The following SEMA6D variants were observed in gnomAD, a reference collection of about 807,000 sequenced individuals.
SEMA6D encodes semaphorin-6D.
In SEMA6D, 35 loss-of-function variants were observed where a neutral mutation model predicts 106.6. That is an observed-to-expected ratio of 0.33 (90% CI 0.25 to 0.44). SEMA6D has a LOEUF of 0.44. Among genes scored for constraint, SEMA6D ranks in the 20% least tolerant of loss-of-function variants. The pLI is 1.00. For missense variants in SEMA6D, 1,185 were observed against 1,345.9 expected, an observed-to-expected ratio of 0.88 and a Z score of 1.87; for synonymous variants, 499 against 487.7, an observed-to-expected ratio of 1.02 and a Z score of -0.31.
chr15:47,199,963 CAG>C (rs1303332464), intron 1 of SEMA6D, among the ~76,000 whole-genome samples: 1 of 152,084 alleles, frequency 6.6e-6, no homozygotes, highest in Non-Finnish European at 1.5e-5. Flanking sequence ...TTTAAAAAAA[CAG>C]AATCTTTGAG....
intron 3 of SEMA6D, among the ~76,000 whole-genome samples, chr15:47,491,196 T>C (rs1288963241): frequency 6.6e-6 from 1 of 152,234 alleles, no homozygotes; most frequent in Admixed American, 6.5e-5. Flanking sequence ...TTTCTAATTT[T>C]CCTGCTCTTT....
At chr15:47,245,898 G>C (rs576916829) in intron 1 of SEMA6D, among the ~76,000 whole-genome samples, 2 of 152,156 alleles carry the variant, frequency 1.3e-5, no homozygotes, top group African/African-American at 4.8e-5. Context: ...TGAGTGGAGA[G>C]GATAAGGACA....
intron 3 of SEMA6D, among the ~76,000 whole-genome samples, chr15:47,578,247 T>C (rs532462702): frequency 6.3e-4 from 96 of 152,328 alleles, no homozygotes; most frequent in Non-Finnish European, 1.1e-3. Context: ...ATGAGACTTA[T>C]TGAATGAGTG....
At chr15:47,741,555 A>G (rs537716470) in intron 1 of SEMA6D, among the ~76,000 whole-genome samples, 2 of 152,284 alleles carry the variant, frequency 1.3e-5, no homozygotes, top group South Asian at 4.1e-4. Flanking sequence ...CGTCTCTACT[A>G]AAAATACAAA....
At chr15:47,369,416 A>C (rs2039186348) in intron 1 of SEMA6D, among the ~76,000 whole-genome samples, 1 of 152,210 alleles carries the variant, frequency 6.6e-6, no homozygotes, top group Non-Finnish European at 1.5e-5. Context: ...AAATCTTAGA[A>C]AATTGTCGTC....
At chr15:47,485,633 CT>C (rs1387636585) in intron 3 of SEMA6D, among the ~76,000 whole-genome samples, 1 of 152,150 alleles carries the variant, frequency 6.6e-6, no homozygotes, top group Non-Finnish European at 1.5e-5. Context: ...AGCTTGACCA[CT>C]GTCCAGAACT....
chr15:47,583,196 C>T (rs536851641), intron 3 of SEMA6D, among the ~76,000 whole-genome samples: 6 of 152,294 alleles, frequency 3.9e-5, no homozygotes, highest in East Asian at 1.9e-4. Flanking sequence ...CTGCTAAACA[C>T]GTGAGTTCCA....
At chr15:47,730,636 G>A (rs1286008619) in intron 1 of SEMA6D, 21 of 1,590,550 alleles carry the variant, frequency 1.3e-5, no homozygotes, top group Non-Finnish European at 1.6e-5. Flanking sequence ...TCTCTGGTCT[G>A]TACTTGTGGG....
chr15:47,582,181 C>T (rs1262801917), intron 3 of SEMA6D, among the ~76,000 whole-genome samples: 1 of 152,120 alleles, frequency 6.6e-6, no homozygotes, highest in South Asian at 2.1e-4. Flanking sequence ...AAGCAACTGC[C>T]AGTGCCCAGA....
At chr15:47,389,289 G>A (rs1295209600) in intron 1 of SEMA6D, among the ~76,000 whole-genome samples, 1 of 152,130 alleles carries the variant, frequency 6.6e-6, no homozygotes, top group African/African-American at 2.4e-5. Flanking sequence ...ATCATATAAA[G>A]GTTGACTGTT....
rs577303054 is a variant in SEMA6D, at chr15:47,763,383, G to A, written c.747+279G>A. Among the ~76,000 whole-genome samples, 24 of 152,234 alleles carry A rather than the reference G, an allele frequency of 1.6e-4. 1 individual carries two copies. The highest frequency in any genetic ancestry group is 5.8e-4 in the African/African-American group (24 of 41,550). Reference sequence around the variant, plus strand: ...CTACAGGTACCCTTGAGCTACGGATGCTTTTTTTACTCTTTAGAAAACCAC... The same window carrying A: ...CTACAGGTACCCTTGAGCTACGGATACTTTTTTTACTCTTTAGAAAACCAC... On this transcript the variant is annotated intron_variant, in intron 9 of 18. Transcript: ENST00000536845.
chr15:47,721,574 G>T (rs1204176753), intron 1 of SEMA6D, among the ~76,000 whole-genome samples: 1 of 152,182 alleles, frequency 6.6e-6, no homozygotes, highest in Non-Finnish European at 1.5e-5. Flanking sequence ...TCTAGTTGAG[G>T]TGGCTATTGT....
At chr15:47,694,041 T>G (rs2078647571) in intron 4 of SEMA6D, among the ~76,000 whole-genome samples, 1 of 152,162 alleles carries the variant, frequency 6.6e-6, no homozygotes, top group Non-Finnish European at 1.5e-5. Context: ...AACCCTTGCA[T>G]TAGTTTAAAG....
At chr15:47,593,486 A>G (rs2076479769) in intron 3 of SEMA6D, among the ~76,000 whole-genome samples, 1 of 151,572 alleles carries the variant, frequency 6.6e-6, no homozygotes, top group Non-Finnish European at 1.5e-5. Flanking sequence ...TCTAAAAATG[A>G]AGACTTTAAA....
intron 1 of SEMA6D, among the ~76,000 whole-genome samples, chr15:47,273,362 C>T (rs749958662): frequency 2.0e-5 from 3 of 152,050 alleles, no homozygotes; most frequent in Non-Finnish European, 4.4e-5. Flanking sequence ...TAGAGACTAC[C>T]TGGGTTTGGG....
intron 3 of SEMA6D, among the ~76,000 whole-genome samples, chr15:47,546,665 C>A (rs534168805): frequency 6.6e-6 from 1 of 151,684 alleles, no homozygotes; most frequent in Non-Finnish European, 1.5e-5. Flanking sequence ...CATTTAGGAC[C>A]CATGACCAGC....
At chr15:47,342,187 C>A (rs1314809059) in intron 1 of SEMA6D, among the ~76,000 whole-genome samples, 1 of 152,162 alleles carries the variant, frequency 6.6e-6, no homozygotes, top group Non-Finnish European at 1.5e-5. Flanking sequence ...AACAACTAAT[C>A]TCTAACTAGT....
intron 2 of SEMA6D, among the ~76,000 whole-genome samples, chr15:47,436,671 C>G (rs1265478368): frequency 1.3e-5 from 2 of 150,324 alleles, no homozygotes; most frequent in African/African-American, 4.9e-5. Context: ...TGACTCATGC[C>G]TGTAATCCAA....
At chr15:47,298,602 C>T (rs1025385845) in intron 1 of SEMA6D, among the ~76,000 whole-genome samples, 8 of 152,130 alleles carry the variant, frequency 5.3e-5, no homozygotes, top group African/African-American at 1.2e-4. Context: ...TGACCCATTA[C>T]GTCTGTGCAA....
Sources: allele counts gnomAD v4.1 joint callset (sites outside exome capture counted in the v4.1 genomes callset), GRCh38; gene constraint gnomAD v4.1.1; transcripts MANE v1.5; gene names NCBI Gene and HGNC (gene_info 2026-07-23, HGNC 2026-07-21).